ORAI3: variants seen among roughly 807,000 people sequenced by gnomAD.
ORAI3 encodes the protein protein orai-3.
ORAI3 carries 15 observed loss-of-function variants against 17.2 expected under a neutral mutation model. The observed-to-expected ratio is 0.87, with a 90% CI of 0.58 to 1.34. The LOEUF is 1.34. ORAI3 is among the 40% of genes most tolerant of loss of function. The probability of loss-of-function intolerance (pLI) is 0.00; values close to 1 mark genes in which losing one functional copy is unlikely to be tolerated. For synonymous variants in ORAI3, 178 were observed against 172.4 expected (o/e 1.03, Z -0.25); for missense variants, 405 against 396.7 (o/e 1.02, Z -0.18).
Position 30,949,186 on chromosome 16 carries a change from T to C in ORAI3, c.-104T>C, listed in dbSNP as rs4889582. On this transcript the variant is annotated 5_prime_UTR_variant, in exon 1 of 2. Coordinates refer to ENST00000318663, the MANE Select transcript of ORAI3 (RefSeq NM_152288.3). ...GCGCCCGCCGCCTGCATCCTGCTCG[T>C]CCTGTCTGGGAATGGGGCCGCCCCC... 1 allele frequency: 748,541 copies of C among 750,878 alleles called. 373,151 individuals are homozygous for C. The highest frequency in any genetic ancestry group is 1 in the East Asian group (29,316 of 29,316). The allele number at this position is 750,878 out of a possible 1,614,324, so 46.5% of individuals were successfully genotyped here. A position where few individuals can be genotyped will look rare whatever the true frequency, so the allele number is the denominator to read the frequency against.
intron 1 of ORAI3, among the ~76,000 whole-genome samples, chr16:30,951,999 A>C (rs939761292): frequency 2.6e-5 from 4 of 152,198 alleles, no homozygotes; most frequent in Admixed American, 6.5e-5. Context: ...AGCATTCACT[A>C]TAGCAAGAAC....
At position 30,949,527 on chromosome 16, in the gene ORAI3, C is replaced by A; in HGVS notation, c.228+10C>A. On this transcript the variant is annotated intron_variant, in intron 1 of 1. Transcript: ENST00000318663. Reference sequence around the variant, plus strand: ...CTCGGGCTTCGCCATGGTGAGGGGCCGGGAGGGGTCACACCCGGTGGGGCA... The same window carrying A: ...CTCGGGCTTCGCCATGGTGAGGGGCAGGGAGGGGTCACACCCGGTGGGGCA... 1 of 1,282,472 alleles carries A rather than the reference C, an allele frequency of 7.8e-7. No homozygotes were observed. The highest frequency in any genetic ancestry group is 1.0e-6 in the Non-Finnish European group (1 of 992,220). 79.4% of individuals were successfully genotyped at this position (1,282,472 alleles called of 1,614,324 possible). A position where few individuals can be genotyped will look rare whatever the true frequency, so the allele number is the denominator to read the frequency against.
intron 1 of ORAI3, among the ~76,000 whole-genome samples, chr16:30,952,755 T>C (rs1478706926): frequency 3.3e-5 from 5 of 152,096 alleles, no homozygotes; most frequent in Non-Finnish European, 7.4e-5. Context: ...AACTTCTGCC[T>C]CCTGGGTTCA....
In ORAI3 at chr16:30,954,397, T is replaced by C. The variant is rs1030645052; in HGVS notation, c.*553T>C. On this transcript the variant is annotated 3_prime_UTR_variant, in exon 2 of 2. Coordinates refer to ENST00000318663, the MANE Select transcript of ORAI3 (RefSeq NM_152288.3). Reference sequence around the variant, plus strand: ...GTGCTGCCACACCCGACTAATTTTTTTGTAGAGACGGGGTTTCGCTGTTCC... The same window carrying C: ...GTGCTGCCACACCCGACTAATTTTTCTGTAGAGACGGGGTTTCGCTGTTCC... 8 of 365,720 alleles carry C rather than the reference T, an allele frequency of 2.2e-5. No individual in the cohort carries two copies. The highest frequency in any genetic ancestry group is 8.0e-4 in the Middle Eastern group (1 of 1,248). 22.7% of individuals were successfully genotyped at this position (365,720 alleles called of 1,614,324 possible).
chr16:30,953,397 G>A lies in ORAI3; in HGVS notation c.441G>A (p.Val147=), dbSNP rs1195809762. 2 of 1,614,128 alleles carry A rather than the reference G, an allele frequency of 1.2e-6. No homozygotes were observed. The highest frequency in any genetic ancestry group is 1.3e-5 in the African/African-American group (1 of 74,946). ...QSPHQRLHRY[V]ELAWGFSTAL... is the part of the protein sequence containing the mutation. ...CACACCAGAGACTGCACCGCTACGT[G>A]GAGCTGGCCTGGGGCTTCTCCACTG... The change falls in exon 2 of 2, where the codon GTG becomes GTA. Residue 147 remains valine, a synonymous_variant. Transcript: ENST00000318663.
At chr16:30,952,472 C>T (rs2143418700) in intron 1 of ORAI3, among the ~76,000 whole-genome samples, 1 of 152,196 alleles carries the variant, frequency 6.6e-6, no homozygotes, top group African/African-American at 2.4e-5. Context: ...TATACCAACC[C>T]TATAAGGCAG....
In ORAI3 at chr16:30,954,279, AC is replaced by A. The variant is rs1429729602; in HGVS notation, c.*436del. ...GTTTCCCAGGCTGGAGTGTAGTGAT[AC>A]AGTCACAGCTCACTGTAGCCTCGAC... On this transcript the variant is annotated 3_prime_UTR_variant, in exon 2 of 2. Coordinates refer to ENST00000318663, the MANE Select transcript of ORAI3 (RefSeq NM_152288.3). 3 of 612,608 alleles carry A rather than the reference AC, an allele frequency of 4.9e-6. No homozygotes were observed. Among genetic ancestry groups the A allele is most frequent in the East Asian group, 5.5e-5 (2 of 36,212 alleles). The allele number at this position is 612,608 out of a possible 1,614,324, so 37.9% of individuals were successfully genotyped here. A position where few individuals can be genotyped will look rare whatever the true frequency, so the allele number is the denominator to read the frequency against.
chr16:30,954,180 A>G lies in ORAI3; in HGVS notation c.*336A>G, dbSNP rs2055940160. The stretch of plus-strand genomic sequence containing the variant: ...AGTGCTGACTTTAGCCACCATTTCC[A>G]TTCCTATACAGGATGTGAAGGTCAG... On this transcript the variant is annotated 3_prime_UTR_variant, in exon 2 of 2. Transcript: ENST00000318663. 2.9e-6 allele frequency: 2 copies of G among 700,926 alleles called. No homozygotes were observed. The highest frequency in any genetic ancestry group is 2.0e-5 in the Admixed American group (1 of 49,820). The allele number at this position is 700,926 out of a possible 1,614,324, so 43.4% of individuals were successfully genotyped here.
rs2055910556 is a variant in ORAI3, at chr16:30,949,421, C to T, written c.132C>T (p.His44=). The T allele has an allele frequency of 6.2e-7, 1 of 1,605,328 alleles. No individual in the cohort carries two copies. The highest frequency in any genetic ancestry group is 8.5e-7 in the Non-Finnish European group (1 of 1,177,252). Residue 44 remains histidine (H), a synonymous_variant, in exon 1 of 2, where the codon CAC becomes CAT. Transcript: ENST00000318663. ...TGGACCTCATGGGGGCCAGTCAGCA[C>T]TCGCTGCGGGCGCTCAGCTGGCGCC... ...GYLDLMGASQ[H]SLRALSWRRL...
In ORAI3 at chr16:30,954,829, T is replaced by C. The variant is rs1050889714; in HGVS notation, c.*985T>C. The C allele has an allele frequency of 1.3e-5, 2 of 152,210 alleles. No individual in the cohort carries two copies. Among genetic ancestry groups the C allele is most frequent in the South Asian group, 2.1e-4 (1 of 4,830 alleles). 9.4% of individuals were successfully genotyped at this position (152,210 alleles called of 1,614,324 possible). A position where few individuals can be genotyped will look rare whatever the true frequency, so the allele number is the denominator to read the frequency against. On this transcript the variant is annotated 3_prime_UTR_variant, in exon 2 of 2. Transcript: ENST00000318663. ...GCCTGAGTCCTTAGCAAGGGTTGGG[T>C]AAGGAGGTTTTAAGGGAGAAGGTCC...
chr16:30,954,428 T>C lies in ORAI3; in HGVS notation c.*584T>C. The C allele has an allele frequency of 3.4e-6, 1 of 295,656 alleles. No homozygotes were observed. The highest frequency in any genetic ancestry group is 6.4e-6 in the Non-Finnish European group (1 of 156,436). 18.3% of individuals were successfully genotyped at this position (295,656 alleles called of 1,614,324 possible). A position where few individuals can be genotyped will look rare whatever the true frequency, so the allele number is the denominator to read the frequency against. ...AGACGGGGTTTCGCTGTTCCCAGGC[T>C]GGTCTCAAACTCCTGGGCTCAAGTG... On this transcript the variant is annotated 3_prime_UTR_variant, in exon 2 of 2. Transcript: ENST00000318663.
chr16:30,949,560 T>TG (rs2055912098), intron 1 of ORAI3, 43 bp downstream of exon 1: 1 of 209,620 alleles, frequency 4.8e-6, no homozygotes, highest in Non-Finnish European at 7.4e-6. Flanking sequence ...GCAGAGCAAG[T>TG]GGGGGGCACA....
chr16:30,951,710 CA>C (rs562061259), intron 1 of ORAI3, among the ~76,000 whole-genome samples: 367 of 134,022 alleles, frequency 2.7e-3, no homozygotes, highest in Middle Eastern at 3.8e-3. Flanking sequence ...TGGCATCTAC[CA>C]AAAAAAAAAA....
intron 1 of ORAI3, among the ~76,000 whole-genome samples, chr16:30,952,862 C>T (rs187769397): frequency 7.0e-4 from 107 of 152,182 alleles, no homozygotes; most frequent in Admixed American, 1.2e-3. Context: ...GACGGGGTTT[C>T]GCCATGTTGG....
In ORAI3 at chr16:30,950,658, ACT is replaced by A. The variant is rs1020064495; in HGVS notation, c.228+1146_228+1147del. On this transcript the variant is annotated intron_variant, in intron 1 of 1. Transcript: ENST00000318663. Reference sequence around the variant, plus strand: ...TCCATATTTGAACAATGACAGGGAAACTCTCTAACCCTAAGGGTCATCATAAG... The same window carrying A: ...TCCATATTTGAACAATGACAGGGAAACTCTAACCCTAAGGGTCATCATAAG... Among the ~76,000 whole-genome samples, 8 of 152,002 alleles carry A rather than the reference ACT, an allele frequency of 5.3e-5. No individual in the cohort carries two copies. In the East Asian group the frequency reaches 1.4e-3, roughly 26 times the overall value.
At position 30,949,182 on chromosome 16, in the gene ORAI3, C is replaced by CTA; in HGVS notation, c.-107_-106insAT. 1.4e-6 allele frequency: 1 copy of CTA among 727,464 alleles called. No individual in the cohort carries two copies. The allele number at this position is 727,464 out of a possible 1,614,324, so 45.1% of individuals were successfully genotyped here. On this transcript the variant is annotated 5_prime_UTR_variant, in exon 1 of 2. Transcript: ENST00000318663. ...CTGGGCGCCCGCCGCCTGCATCCTG[C>CTA]TCGTCCTGTCTGGGAATGGGGCCGC...
rs1443248130 is a variant in ORAI3 at position 30,953,610 on chromosome 16, AC to A, written c.656del (p.Pro219ArgfsTer64). 1.2e-6 allele frequency: 2 copies of A among 1,614,100 alleles called. No individual in the cohort carries two copies. The highest frequency in any genetic ancestry group is 3.3e-5 in the Admixed American group (2 of 60,028). ...NLPRSSASAAPSQAEPACPPR... is the reference protein window; with the variant it reads ...NLPRSSASAAXSQAEPACPPR... ...TCCCACGGTCCTCTGCGTCTGCAGC[AC>A]CGTCCCAAGCTGAGCCAGCCTGCCC... On this transcript the variant is annotated frameshift_variant, in exon 2 of 2. Transcript: ENST00000318663. LOFTEE classifies it high-confidence loss of function.
rs150131871 is a variant in ORAI3, at chr16:30,953,566, C to T, written c.610C>T (p.Leu204Phe). 17 of 1,614,214 alleles carry T rather than the reference C, an allele frequency of 1.1e-5. No individual in the cohort carries two copies. In the African/African-American group the frequency reaches 2.0e-4, roughly 19 times the overall value. The change falls in exon 2 of 2, where the codon CTT becomes TTT. Residue 204 changes from leucine to phenylalanine, a missense_variant. Coordinates refer to ENST00000318663, the MANE Select transcript of ORAI3 (RefSeq NM_152288.3). ...PGTLAPVATS[L>F]SPASNLPRSS... ...GACTCTGGCACCAGTGGCTACCTCC[C>T]TTAGTCCAGCTTCCAATCTCCCACG...
At chr16:30,949,706 G>A (rs2055914041) in intron 1 of ORAI3, 189 bp downstream of exon 1, 2 of 574,990 alleles carry the variant, frequency 3.5e-6, no homozygotes, top group Non-Finnish European at 3.0e-6. Flanking sequence ...GGGGACCCCA[G>A]GAGACGGGGC....
Sources: gnomAD v4.1 joint callset for allele counts (sites outside exome capture counted in the v4.1 genomes callset) on GRCh38, gnomAD v4.1.1 for gene constraint, MANE v1.5 for transcripts, NCBI Gene and HGNC (gene_info 2026-07-23, HGNC 2026-07-21) for gene names.